SLC12A6: variants seen among roughly 807,000 people sequenced by gnomAD.
The protein encoded by SLC12A6 is K-Cl cotransporter 3.
SLC12A6 carries 66 observed loss-of-function variants against 135.3 expected under a neutral mutation model. The ratio of observed to expected loss-of-function variants is 0.49; its 90% CI spans 0.40 to 0.60. The LOEUF (loss-of-function observed/expected upper bound fraction) is 0.60, where lower values mean the gene tolerates loss of function less well. SLC12A6 is among the 20% of genes least tolerant of loss of function. The probability of loss-of-function intolerance (pLI) is 0.00; values close to 1 mark genes in which losing one functional copy is unlikely to be tolerated. For missense variants in SLC12A6, 1,058 were observed against 1,452.3 expected (o/e 0.73, Z 4.41); for synonymous variants, 513 against 508.8 (o/e 1.01, Z -0.11).
chr15:34,315,557 T>C (rs1888582010), intron 2 of SLC12A6, among the ~76,000 whole-genome samples: 1 of 150,342 alleles, frequency 6.7e-6, no homozygotes, highest in Non-Finnish European at 1.5e-5. Context: ...CAAAATCCTG[T>C]CTTTAAAAAA....
At chr15:34,337,296 G>C (rs935384177) in intron 1 of SLC12A6, 36 bp downstream of exon 1, 2 of 164,284 alleles carry the variant, frequency 1.2e-5, no homozygotes, top group African/African-American at 4.8e-5. Flanking sequence ...GGTCTGGTGG[G>C]AAAGGTGCAC....
At chr15:34,289,144 T>C (rs1185695790) in intron 2 of SLC12A6, among the ~76,000 whole-genome samples, 1 of 152,216 alleles carries the variant, frequency 6.6e-6, no homozygotes, top group African/African-American at 2.4e-5. Flanking sequence ...CTCTTATTAT[T>C]TTGAGATATG....
At chr15:34,265,379 T>C (rs1195169039) in intron 3 of SLC12A6, among the ~76,000 whole-genome samples, 1 of 131,884 alleles carries the variant, frequency 7.6e-6, no homozygotes, top group Admixed American at 7.4e-5. Flanking sequence ...AGACAGAAAG[T>C]AAGTAAAAAC....
At chr15:34,311,430 G>A (rs1358623751) in intron 2 of SLC12A6, among the ~76,000 whole-genome samples, 1 of 152,120 alleles carries the variant, frequency 6.6e-6, no homozygotes, top group Admixed American at 6.6e-5. Flanking sequence ...GCAATAATCA[G>A]TAAAACTTTG....
chr15:34,329,849 A>G (rs1489385541), intron 2 of SLC12A6, among the ~76,000 whole-genome samples: 1 of 152,218 alleles, frequency 6.6e-6, no homozygotes, highest in Non-Finnish European at 1.5e-5. Context: ...AAGAAATAGT[A>G]AAATGTACCT....
intron 2 of SLC12A6, among the ~76,000 whole-genome samples, chr15:34,307,833 G>A (rs916834950): frequency 4.6e-5 from 7 of 152,232 alleles, no homozygotes; most frequent in African/African-American, 1.4e-4. Flanking sequence ...ACAACTTTTA[G>A]GGCTTTTACT....
At chr15:34,273,220 G>A (rs984331170) in intron 3 of SLC12A6, among the ~76,000 whole-genome samples, 9 of 152,044 alleles carry the variant, frequency 5.9e-5, no homozygotes, top group Non-Finnish European at 8.8e-5. Flanking sequence ...GCGCTGTGGC[G>A]TGCACCTGTA....
chr15:34,332,722 G>A (rs1379838630), intron 2 of SLC12A6, among the ~76,000 whole-genome samples: 2 of 151,854 alleles, frequency 1.3e-5, no homozygotes, highest in African/African-American at 4.8e-5. Context: ...GGTGGAGGTT[G>A]CAGTGAGCCG....
chr15:34,241,952 T>C, intron 17 of SLC12A6, 150 bp downstream of exon 17: 1 of 662,546 alleles, frequency 1.5e-6, no homozygotes, highest in Non-Finnish European at 2.7e-6. Flanking sequence ...AAAGCTTGCA[T>C]CATTAAGATG....
chr15:34,235,004 C>A (rs1319703261), intron 25 of SLC12A6, among the ~76,000 whole-genome samples, 177 bp downstream of exon 25: 2 of 152,204 alleles, frequency 1.3e-5, no homozygotes, highest in African/African-American at 4.8e-5. Flanking sequence ...TGCCCCAACT[C>A]CCCTAAAAGA....
At chr15:34,255,212 TA>T in intron 8 of SLC12A6, 49 bp downstream of exon 8, 1 of 1,404,612 alleles carries the variant, frequency 7.1e-7, no homozygotes, top group Non-Finnish European at 1.0e-6. Context: ...AGAATAAACC[TA>T]AATCAATATT....
intron 13 of SLC12A6, 73 bp from the exon 14 acceptor site, chr15:34,245,940 A>G (rs1891954211): frequency 7.2e-6 from 9 of 1,247,920 alleles, no homozygotes; most frequent in Non-Finnish European, 1.0e-5. Flanking sequence ...ATATTCACCC[A>G]ATTTTTTTTT....
intron 13 of SLC12A6, among the ~76,000 whole-genome samples, chr15:34,249,064 G>A (rs983153290): frequency 6.6e-6 from 1 of 152,184 alleles, no homozygotes; most frequent in African/African-American, 2.4e-5. Context: ...GGCAGGCTCT[G>A]AAGCAGGGAG....
intron 2 of SLC12A6, among the ~76,000 whole-genome samples, chr15:34,322,726 C>A (rs896268993): frequency 6.6e-6 from 1 of 151,304 alleles, no homozygotes; most frequent in East Asian, 1.9e-4. Context: ...ACCTGTAATC[C>A]CAGCACTTTG....
intron 2 of SLC12A6, among the ~76,000 whole-genome samples, chr15:34,288,110 G>A (rs1053449151): frequency 3.3e-5 from 5 of 152,152 alleles, no homozygotes. Flanking sequence ...TATGGTCCTA[G>A]GTCTTATGTT....
At chr15:34,318,507 C>G (rs568550635) in intron 2 of SLC12A6, 1 of 1,404,628 alleles carries the variant, frequency 7.1e-7, no homozygotes, top group East Asian at 2.3e-5. Context: ...ATCCTAGTTA[C>G]TTCTTTCATG....
At chr15:34,234,912 G>C (rs1163164259) in intron 25 of SLC12A6, among the ~76,000 whole-genome samples, 1 of 152,196 alleles carries the variant, frequency 6.6e-6, no homozygotes, top group Admixed American at 6.5e-5. Context: ...CTGTCTGTAG[G>C]ATTGTCAGGA....
chr15:34,242,054 G>C (rs367841466), intron 17 of SLC12A6, 48 bp downstream of exon 17: 182 of 1,496,026 alleles, frequency 1.2e-4, no homozygotes, highest in Non-Finnish European at 1.6e-4. Context: ...AACCAAACTA[G>C]CTAGTCTTGC....
At chr15:34,294,194 T>C (rs1272572346) in intron 2 of SLC12A6, among the ~76,000 whole-genome samples, 2 of 152,152 alleles carry the variant, frequency 1.3e-5, no homozygotes, top group African/African-American at 4.8e-5. Context: ...CACTCCCAAC[T>C]CTTTTACAGG....
Sources: allele counts gnomAD v4.1 joint callset (sites outside exome capture counted in the v4.1 genomes callset), GRCh38; gene constraint gnomAD v4.1.1; transcripts MANE v1.5; gene names NCBI Gene and HGNC (gene_info 2026-07-23, HGNC 2026-07-21).